The following SLC35F3 variants were observed in gnomAD, a reference collection of about 807,000 sequenced individuals.
SLC35F3 encodes putative thiamine transporter SLC35F3.
Under a neutral mutation model 49.9 loss-of-function variants are expected in SLC35F3, and 25 were observed. That is an observed-to-expected ratio of 0.50 (90% CI 0.37 to 0.70). SLC35F3 has a LOEUF of 0.70. Ranked by LOEUF, SLC35F3 falls within the 30% of genes least tolerant of loss-of-function variation. SLC35F3 has a pLI of 0.00. For missense variants in SLC35F3, 525 were observed against 639.8 expected (o/e 0.82, Z 1.94); for synonymous variants, 275 against 265.4 (o/e 1.04, Z -0.35).
At chr1:234,247,702 A>G (rs201113937) in intron 3 of SLC35F3, among the ~76,000 whole-genome samples, 86 of 88,598 alleles carry the variant, frequency 9.7e-4, no homozygotes, top group Middle Eastern at 0.013. Context: ...TCCATTGTTC[A>G]GTGGGTTGGT....
chr1:234,021,157 C>T (rs1445531697), intron 2 of SLC35F3, among the ~76,000 whole-genome samples: 1 of 152,022 alleles, frequency 6.6e-6, no homozygotes, highest in Non-Finnish European at 1.5e-5. Flanking sequence ...GCTTGTGACC[C>T]TAGGAGACAT....
chr1:234,308,044 G>A (rs902329229), intron 3 of SLC35F3, among the ~76,000 whole-genome samples: 6 of 152,010 alleles, frequency 3.9e-5, no homozygotes, highest in Non-Finnish European at 5.9e-5. Flanking sequence ...ACTCTAGAAC[G>A]GCATCAAAAG....
In SLC35F3 at chr1:234,214,692, C is replaced by A; in HGVS notation, c.284-16725C>A. 4 of 1,340,308 alleles carry A rather than the reference C, an allele frequency of 3.0e-6. No homozygotes were observed. Among genetic ancestry groups the A allele is most frequent in the African/African-American group, 1.5e-5 (1 of 64,982 alleles). 83.0% of individuals were successfully genotyped at this position (1,340,308 alleles called of 1,614,324 possible). A position where few individuals can be genotyped will look rare whatever the true frequency, so the allele number is the denominator to read the frequency against. On this transcript the variant is annotated intron_variant, in intron 2 of 7. Coordinates refer to ENST00000366618, the MANE Select transcript of SLC35F3 (RefSeq NM_173508.4). The surrounding 1 kb of genome is among the most constrained non-coding windows in gnomAD (Gnocchi z 8.0). ...GGCTGGGGGTACTGCTCCCCCAGGACGCGGCTCCGCAGTGCAGAGCGCCGC... is the reference window on the plus strand; with the variant it reads ...GGCTGGGGGTACTGCTCCCCCAGGAAGCGGCTCCGCAGTGCAGAGCGCCGC...
intron 2 of SLC35F3, among the ~76,000 whole-genome samples, chr1:233,917,027 T>G (rs1661984199): frequency 6.6e-6 from 1 of 152,218 alleles, no homozygotes; most frequent in Admixed American, 6.5e-5. Context: ...GCAAATGTAT[T>G]AGCTCCTCAG....
chr1:234,214,081 G>T lies in SLC35F3; in HGVS notation c.284-17336G>T. ...TCCTTTTAAAGGGCTTCTCAGAGAG[G>T]TGGTGGCCAGAGGCTGCAGTCAGGA... On this transcript the variant is annotated intron_variant, in intron 2 of 7. Coordinates refer to ENST00000366618, the MANE Select transcript of SLC35F3 (RefSeq NM_173508.4). This position sits in a 1 kb window ranked among gnomAD's most constrained non-coding sequence, Gnocchi z 8.0. The T allele has an allele frequency of 1.4e-6, 1 of 701,286 alleles. No homozygotes were observed. The highest frequency in any genetic ancestry group is 1.8e-6 in the Non-Finnish European group (1 of 565,196). The allele number at this position is 701,286 out of a possible 1,614,324, so 43.4% of individuals were successfully genotyped here.
At chr1:234,143,288 C>CTTTTCCTT (rs1478216426) in intron 2 of SLC35F3, among the ~76,000 whole-genome samples, 1 of 123,564 alleles carries the variant, frequency 8.1e-6, no homozygotes, top group Non-Finnish European at 1.6e-5. Context: ...CTTTTCTTTT[C>CTTTTCCTT]TTTTTTTTTT....
intron 3 of SLC35F3, among the ~76,000 whole-genome samples, chr1:234,238,693 C>G (rs984787127): frequency 7.2e-5 from 11 of 152,158 alleles, no homozygotes; most frequent in African/African-American, 1.7e-4. Context: ...CCAAACACCC[C>G]TACAGACAAG....
At chr1:234,194,727 A>T (rs1289630666) in intron 2 of SLC35F3, among the ~76,000 whole-genome samples, 1 of 152,192 alleles carries the variant, frequency 6.6e-6, no homozygotes, top group Non-Finnish European at 1.5e-5. Flanking sequence ...CCCTCTAGGC[A>T]TCTCCAGAAT....
chr1:233,959,882 G>A (rs1662766118), intron 2 of SLC35F3, among the ~76,000 whole-genome samples: 1 of 152,206 alleles, frequency 6.6e-6, no homozygotes. Flanking sequence ...GATCAGTCAG[G>A]TGTGACCTGG....
chr1:234,254,143 G>A (rs1241082170), intron 3 of SLC35F3, among the ~76,000 whole-genome samples: 3 of 152,190 alleles, frequency 2.0e-5, no homozygotes, highest in Non-Finnish European at 2.9e-5. Flanking sequence ...TTGGCTTAAT[G>A]ATCTAAGAGT....
At chr1:234,009,603 A>G (rs569001142) in intron 2 of SLC35F3, among the ~76,000 whole-genome samples, 2 of 152,292 alleles carry the variant, frequency 1.3e-5, no homozygotes, top group African/African-American at 4.8e-5. Flanking sequence ...CTGCATAATA[A>G]CATTCAGCTG....
chr1:234,135,953 G>T (rs543500515), intron 2 of SLC35F3, among the ~76,000 whole-genome samples: 1 of 152,174 alleles, frequency 6.6e-6, no homozygotes, highest in Non-Finnish European at 1.5e-5. Flanking sequence ...TTTCTGCACC[G>T]TGCCATATAC....
At chr1:234,088,050 C>G (rs1664986372) in intron 2 of SLC35F3, among the ~76,000 whole-genome samples, 1 of 152,222 alleles carries the variant, frequency 6.6e-6, no homozygotes. Context: ...TTCCTCCCTC[C>G]CAGGAGAATG....
At chr1:234,170,177 T>A (rs1017800490) in intron 2 of SLC35F3, among the ~76,000 whole-genome samples, 6 of 152,154 alleles carry the variant, frequency 3.9e-5, no homozygotes, top group African/African-American at 9.6e-5. Flanking sequence ...AGTCATGAAG[T>A]CCCTTGTGCT....
At chr1:234,154,765 G>A (rs17572749) in intron 2 of SLC35F3, among the ~76,000 whole-genome samples, 19,917 of 152,206 alleles carry the variant, frequency 0.13, 3,343 homozygotes, top group East Asian at 0.86. Context: ...TTAGTAGTTA[G>A]TATTTCTAAA....
Position 234,243,075 on chromosome 1 carries a change from G to A in SLC35F3, c.608+11334G>A, listed in dbSNP as rs12060534. Among the ~76,000 whole-genome samples the A allele has an allele frequency of 6.6e-3, 1,007 of 152,260 alleles. 10 individuals are homozygous for A. Among genetic ancestry groups the A allele is most frequent in the African/African-American group, 0.023 (947 of 41,548 alleles). On this transcript the variant is annotated intron_variant, in intron 3 of 7. Transcript: ENST00000366618. ...TGGTTAAAAGTGTTTTGTTTTGGCC[G>A]GGTGTGGTAGCTCATGCCTGTAATC...
rs112494002 is a variant in SLC35F3, at chr1:234,252,672, T to C, written c.608+20931T>C. Among the ~76,000 whole-genome samples the C allele has an allele frequency of 1.0e-3, 152 of 152,372 alleles. 1 individual carries two copies. Among genetic ancestry groups the C allele is most frequent in the African/African-American group, 3.5e-3 (146 of 41,584 alleles). ...AAATGTGAATTAAAACATATTTTTA[T>C]CTGTCAAATTAACAAATAAATTTTA... is the stretch of plus-strand genomic sequence containing the variant. On this transcript the variant is annotated intron_variant, in intron 3 of 7. Coordinates refer to ENST00000366618, the MANE Select transcript of SLC35F3 (RefSeq NM_173508.4).
intron 2 of SLC35F3, among the ~76,000 whole-genome samples, chr1:234,164,348 C>A (rs1022876253): frequency 6.7e-6 from 1 of 149,152 alleles, no homozygotes; most frequent in South Asian, 2.2e-4. Flanking sequence ...TTCTCTCTCC[C>A]CCCTCCCTCC....
At chr1:233,935,845 C>T (rs1662317687) in intron 2 of SLC35F3, among the ~76,000 whole-genome samples, 1 of 152,158 alleles carries the variant, frequency 6.6e-6, no homozygotes, top group African/African-American at 2.4e-5. Flanking sequence ...TAGCTGATTC[C>T]TTGTTACTCA....
Sources: gnomAD v4.1 joint callset for allele counts (sites outside exome capture counted in the v4.1 genomes callset) on GRCh38, gnomAD v4.1.1 for gene constraint, Gnocchi (gnomAD v3.1) non-coding constraint, MANE v1.5 for transcripts, NCBI Gene and HGNC (gene_info 2026-07-23, HGNC 2026-07-21) for gene names.